The following CEP112 variants were observed in gnomAD, a reference collection of about 807,000 sequenced individuals.
CEP112 encodes the protein centrosomal protein of 112 kDa.
In CEP112, 127 loss-of-function variants were observed where a neutral mutation model predicts 153.0. The ratio of observed to expected loss-of-function variants is 0.83; its 90% CI spans 0.72 to 0.96. CEP112 has a LOEUF of 0.96. Among genes scored for constraint, CEP112 ranks in the 40% least tolerant of loss-of-function variants. The pLI, the probability that CEP112 is intolerant of heterozygous loss-of-function variation, is 0.00. For synonymous variants in CEP112, 358 were observed against 374.4 expected, an observed-to-expected ratio of 0.96 and a Z score of 0.51; for missense variants, 1,089 against 1,101.2, an observed-to-expected ratio of 0.99 and a Z score of 0.16.
At chr17:65,874,396 C>T (rs1038253165) in intron 20 of CEP112, among the ~76,000 whole-genome samples, 14 of 152,064 alleles carry the variant, frequency 9.2e-5, no homozygotes, top group South Asian at 2.1e-4. Flanking sequence ...AAATCTTTAA[C>T]GACCATTATT....
Position 65,826,569 on chromosome 17 carries a change from A to G in CEP112, c.2394+25235T>C, listed in dbSNP as rs952066130. On this transcript the variant is annotated intron_variant, in intron 21 of 26. Coordinates refer to ENST00000535342, the MANE Select transcript of CEP112 (RefSeq NM_001199165.4). ...GTGATGCCAGGGCTAAAGGGCCAGC[A>G]CACCTTCTTTGTGATTCTGGTCTCC... 1.3e-4 allele frequency: 168 copies of G among 1,288,528 alleles called. No individual in the cohort carries two copies. The African/African-American group carries it at 2.2e-3, about 17-fold the overall frequency. 79.8% of individuals were successfully genotyped at this position (1,288,528 alleles called of 1,614,324 possible).
chr17:66,156,922 G>A (rs143221262), intron 4 of CEP112, among the ~76,000 whole-genome samples: 2,618 of 152,216 alleles, frequency 0.017, 77 homozygotes, highest in African/African-American at 0.06. Flanking sequence ...TGAAAGTGAC[G>A]GGGAGAATGG....
At chr17:66,148,290 C>T (rs2071009928) in intron 4 of CEP112, among the ~76,000 whole-genome samples, 1 of 151,984 alleles carries the variant, frequency 6.6e-6, no homozygotes, top group South Asian at 2.1e-4. Context: ...CCACTGAGGC[C>T]CTCCCACAAC....
intron 12 of CEP112, among the ~76,000 whole-genome samples, chr17:66,036,990 A>G (rs2065765997): frequency 6.6e-6 from 1 of 152,192 alleles, no homozygotes; most frequent in Non-Finnish European, 1.5e-5. Flanking sequence ...TTCTACCTTG[A>G]ACAATCTATT....
At chr17:65,885,056 G>C (rs955849299) in intron 20 of CEP112, among the ~76,000 whole-genome samples, 1 of 152,096 alleles carries the variant, frequency 6.6e-6, no homozygotes, top group Non-Finnish European at 1.5e-5. Flanking sequence ...TGAAGAGCTT[G>C]AAAAGAATGT....
intron 14 of CEP112, among the ~76,000 whole-genome samples, chr17:66,028,757 T>C (rs11656722): frequency 0.41 from 62,307 of 151,624 alleles, 14,268 homozygotes; most frequent in East Asian, 0.87. Flanking sequence ...AAAATTTTAA[T>C]TATAAAATGA....
At chr17:65,651,329 T>C (rs1343060437) in intron 24 of CEP112, among the ~76,000 whole-genome samples, 1 of 152,200 alleles carries the variant, frequency 6.6e-6, no homozygotes, top group Non-Finnish European at 1.5e-5. Flanking sequence ...CTTTATCCAC[T>C]CATTGATTGA....
chr17:66,072,065 C>T (rs28414787), intron 8 of CEP112, among the ~76,000 whole-genome samples: 22,473 of 152,030 alleles, frequency 0.15, 2,138 homozygotes, highest in African/African-American at 0.26. Flanking sequence ...ATGCCCTTTA[C>T]CCAGATTTAC....
intron 19 of CEP112, among the ~76,000 whole-genome samples, chr17:65,904,816 G>C (rs1219283884): frequency 2.0e-5 from 3 of 152,110 alleles, no homozygotes; most frequent in Non-Finnish European, 4.4e-5. Flanking sequence ...ACAATCATCT[G>C]ATCTTTGACA....
At chr17:66,170,643 A>G (rs1478503316) in intron 4 of CEP112, among the ~76,000 whole-genome samples, 1 of 152,046 alleles carries the variant, frequency 6.6e-6, no homozygotes, top group Non-Finnish European at 1.5e-5. Context: ...CGCACCTGTA[A>G]TCCCAGCTAC....
At chr17:66,002,746 A>T (rs1861747) in intron 17 of CEP112, among the ~76,000 whole-genome samples, 176 of 152,068 alleles carry the variant, frequency 1.2e-3, no homozygotes, top group Non-Finnish European at 1.7e-3. Flanking sequence ...TATATATCCC[A>T]GTTTTCTCTG....
intron 15 of CEP112, 72 bp from the exon 16 acceptor site, chr17:66,027,632 T>TA (rs2065272034): frequency 9.9e-7 from 1 of 1,008,832 alleles, no homozygotes; most frequent in African/African-American, 1.7e-5. Flanking sequence ...GCAACCTAAT[T>TA]AAATCAATCA....
chr17:65,808,745 T>C (rs1030608844), intron 21 of CEP112, among the ~76,000 whole-genome samples: 23 of 152,130 alleles, frequency 1.5e-4, no homozygotes, highest in African/African-American at 5.6e-4. Flanking sequence ...CACCCAGTCA[T>C]GCTTCCTGTT....
chr17:65,989,017 G>C (rs539985021), intron 17 of CEP112, among the ~76,000 whole-genome samples: 1 of 152,020 alleles, frequency 6.6e-6, no homozygotes, highest in Non-Finnish European at 1.5e-5. Flanking sequence ...CAGGTCAGGA[G>C]ATCGAGACCA....
chr17:66,061,074 A>G (rs1229330545), intron 11 of CEP112, among the ~76,000 whole-genome samples: 6 of 152,092 alleles, frequency 3.9e-5, no homozygotes, highest in Non-Finnish European at 8.8e-5. Flanking sequence ...CAAAAAAACA[A>G]ATATTCTGAT....
chr17:65,683,913 C>T (rs566677170), intron 24 of CEP112, among the ~76,000 whole-genome samples: 9 of 152,120 alleles, frequency 5.9e-5, no homozygotes, highest in East Asian at 3.9e-4. Flanking sequence ...TGGTGGTGGG[C>T]GTCTGTAATC....
At chr17:66,142,146 A>G (rs2070728723) in intron 4 of CEP112, among the ~76,000 whole-genome samples, 1 of 152,044 alleles carries the variant, frequency 6.6e-6, no homozygotes, top group South Asian at 2.1e-4. Flanking sequence ...TGAACATTTT[A>G]TATATTGTAT....
chr17:66,005,415 T>C (rs1430717705), intron 17 of CEP112, among the ~76,000 whole-genome samples: 1 of 152,182 alleles, frequency 6.6e-6, no homozygotes, highest in Non-Finnish European at 1.5e-5. Context: ...TTAAAAAATA[T>C]GTTTTCGCTT....
At chr17:66,168,965 A>G (rs73992258) in intron 4 of CEP112, among the ~76,000 whole-genome samples, 1 of 152,012 alleles carries the variant, frequency 6.6e-6, no homozygotes, top group Non-Finnish European at 1.5e-5. Context: ...CTCCTCTTGG[A>G]AACTGTGAGA....
Sources: gnomAD v4.1 joint callset for allele counts (sites outside exome capture counted in the v4.1 genomes callset) on GRCh38, gnomAD v4.1.1 for gene constraint, MANE v1.5 for transcripts, NCBI Gene and HGNC (gene_info 2026-07-23, HGNC 2026-07-21) for gene names.